LRP1B: variants seen among roughly 807,000 people sequenced by gnomAD.
LRP1B encodes LDL receptor related protein 1B, also known as low-density lipoprotein receptor-related protein 1B.
Under a neutral mutation model 556.6 loss-of-function variants are expected in LRP1B, and 217 were observed. That is an observed-to-expected ratio of 0.39 (90% CI 0.35 to 0.44). The LOEUF is 0.44. Ranked by LOEUF, LRP1B falls within the 20% of genes least tolerant of loss-of-function variation. The pLI is 1.00. For missense variants in LRP1B, 5,053 were observed against 5,620.8 expected (o/e 0.90, Z 3.23); for synonymous variants, 2,047 against 1,865.8 (o/e 1.10, Z -2.50).
chr2:140,862,261 G>A (rs777775648), intron 27 of LRP1B, among the ~76,000 whole-genome samples: 6 of 151,838 alleles, frequency 4.0e-5, no homozygotes, highest in African/African-American at 9.7e-5. Flanking sequence ...TTGTTTGTAC[G>A]GTTGGAAAAA....
At chr2:141,059,382 A>C (rs949704800) in intron 8 of LRP1B, among the ~76,000 whole-genome samples, 7 of 151,786 alleles carry the variant, frequency 4.6e-5, no homozygotes, top group African/African-American at 1.7e-4. Context: ...TGCCTGTGAC[A>C]CTGTTATACA....
intron 41 of LRP1B, among the ~76,000 whole-genome samples, chr2:140,611,571 A>G (rs1422758585): frequency 6.6e-6 from 1 of 152,128 alleles, no homozygotes; most frequent in Non-Finnish European, 1.5e-5. Context: ...GTTTATCATC[A>G]AGTTTTGCAA....
intron 1 of LRP1B, among the ~76,000 whole-genome samples, chr2:141,883,886 G>A (rs1699031170): frequency 6.6e-6 from 1 of 152,142 alleles, no homozygotes; most frequent in Non-Finnish European, 1.5e-5. Flanking sequence ...CATGAAGAAT[G>A]TATTTTCCTA....
chr2:140,301,606 T>C (rs1261806548), intron 83 of LRP1B, among the ~76,000 whole-genome samples: 1 of 151,982 alleles, frequency 6.6e-6, no homozygotes, highest in Non-Finnish European at 1.5e-5. Context: ...TATAAAAAAT[T>C]ATGTATCTTA....
chr2:140,906,986 A>AAG (rs3063641), intron 22 of LRP1B, among the ~76,000 whole-genome samples: 1 of 151,354 alleles, frequency 6.6e-6, no homozygotes, highest in Non-Finnish European at 1.5e-5. Context: ...AAAAAAAAAA[A>AAG]CTTCCTTTTT....
At chr2:141,018,721 A>G (rs1470569012) in intron 12 of LRP1B, among the ~76,000 whole-genome samples, 4 of 152,162 alleles carry the variant, frequency 2.6e-5, no homozygotes, top group Non-Finnish European at 5.9e-5. Flanking sequence ...AGATTTGGAC[A>G]GTGTGGAACA....
chr2:141,611,359 T>A (rs148188239), intron 2 of LRP1B, among the ~76,000 whole-genome samples: 2 of 152,304 alleles, frequency 1.3e-5, no homozygotes, highest in African/African-American at 4.8e-5. Flanking sequence ...GTAATCATCA[T>A]GAGAAAGGAG....
chr2:140,270,154 A>G, intron 86 of LRP1B, 88 bp downstream of exon 86: 1 of 898,232 alleles, frequency 1.1e-6, no homozygotes, highest in South Asian at 1.4e-5. Context: ...ATTTAAAATT[A>G]CCCCAGAAAA....
At chr2:142,065,413 C>T (rs1705075570) in intron 1 of LRP1B, among the ~76,000 whole-genome samples, 3 of 151,012 alleles carry the variant, frequency 2.0e-5, no homozygotes, top group Admixed American at 6.7e-5. Flanking sequence ...CTAATTGATG[C>T]CTTCCTGCTT....
intron 2 of LRP1B, among the ~76,000 whole-genome samples, chr2:141,755,134 G>A (rs1038201821): frequency 6.6e-6 from 1 of 152,030 alleles, no homozygotes; most frequent in African/African-American, 2.4e-5. Context: ...ACTTTTAGAG[G>A]AAAGCAACCA....
At chr2:140,945,248 C>T (rs1348446144) in intron 20 of LRP1B, among the ~76,000 whole-genome samples, 1 of 152,134 alleles carries the variant, frequency 6.6e-6, no homozygotes, top group Non-Finnish European at 1.5e-5. Context: ...ATTTCATGCT[C>T]ATGGATTGCA....
chr2:140,942,046 A>T (rs1695417651), intron 20 of LRP1B, among the ~76,000 whole-genome samples: 3 of 152,174 alleles, frequency 2.0e-5, no homozygotes, highest in Admixed American at 2.0e-4. Flanking sequence ...GTGAAACAAG[A>T]ATAATGATTC....
intron 79 of LRP1B, among the ~76,000 whole-genome samples, chr2:140,329,779 G>A (rs1680698405): frequency 6.6e-6 from 1 of 151,846 alleles, no homozygotes; most frequent in South Asian, 2.1e-4. Context: ...CCATGCTCAT[G>A]GGTAGAAAGA....
At chr2:141,134,725 C>CA (rs59459189) in intron 7 of LRP1B, among the ~76,000 whole-genome samples, 28,577 of 140,578 alleles carry the variant, frequency 0.2, 2,986 homozygotes, top group East Asian at 0.44. Flanking sequence ...CAATAACTAC[C>CA]AAAAAAAAAA....
At chr2:141,188,610 G>C (rs2105194190) in intron 6 of LRP1B, 27 bp from the exon 7 acceptor site, 3 of 1,601,726 alleles carry the variant, frequency 1.9e-6, no homozygotes, top group Non-Finnish European at 2.6e-6. Flanking sequence ...CAAAATCATT[G>C]AATCACAGGT....
chr2:142,118,166 T>G (rs948017265), intron 1 of LRP1B, among the ~76,000 whole-genome samples: 1 of 152,058 alleles, frequency 6.6e-6, no homozygotes, highest in African/African-American at 2.4e-5. Context: ...TTTAAGGAAA[T>G]GTTTTTATTC....
chr2:141,798,705 CAA>C (rs151310050), intron 2 of LRP1B, among the ~76,000 whole-genome samples: 13,779 of 60,658 alleles, frequency 0.23, 393 homozygotes, highest in East Asian at 0.38. Flanking sequence ...GACTCTGTCT[CAA>C]AAAAAAAAAA....
chr2:141,103,383 C>T (rs1225479462), intron 7 of LRP1B, among the ~76,000 whole-genome samples: 1 of 152,036 alleles, frequency 6.6e-6, no homozygotes, highest in African/African-American at 2.4e-5. Flanking sequence ...CACTGCTTGG[C>T]TGCTCACTCA....
chr2:140,263,818 T>TTTA (rs1553484095), intron 86 of LRP1B, among the ~76,000 whole-genome samples: 1 of 151,322 alleles, frequency 6.6e-6, no homozygotes, highest in African/African-American at 2.4e-5. Flanking sequence ...TTTTTTTTTT[T>TTTA]CACGTGTCCC....
Sources: allele counts gnomAD v4.1 joint callset (sites outside exome capture counted in the v4.1 genomes callset), GRCh38; gene constraint gnomAD v4.1.1; transcripts MANE v1.5; gene names NCBI Gene and HGNC (gene_info 2026-07-23, HGNC 2026-07-21).